The following PLEKHJ1 variants were observed in gnomAD, a reference collection of about 807,000 sequenced individuals.
PLEKHJ1 encodes the protein pleckstrin homology domain containing J1, also known as pleckstrin homology domain-containing family J member 1.
In PLEKHJ1, 20 loss-of-function variants were observed where a neutral mutation model predicts 21.7. That is an observed-to-expected ratio of 0.92 (90% CI 0.65 to 1.34). The LOEUF is 1.34. PLEKHJ1 is among the 40% of genes most tolerant of loss of function. PLEKHJ1 has a pLI of 0.00. For missense variants in PLEKHJ1, 241 were observed against 202.0 expected (o/e 1.19, Z -1.17); for synonymous variants, 113 against 80.6 (o/e 1.40, Z -2.15).
chr19:2,230,371 C>A, downstream of PLEKHJ1: 1 of 408,538 alleles, frequency 2.4e-6, no homozygotes, highest in Non-Finnish European at 4.3e-6. Context: ...CTGCCCTGAG[C>A]TCTTCACCTT....
Position 2,234,244 on chromosome 19 carries a change from G to T in PLEKHJ1, c.230-4C>A. The T allele has an allele frequency of 6.2e-7, 1 of 1,609,920 alleles. No individual in the cohort carries two copies. Reference sequence around the variant, plus strand: ...CTCTCAGGGTCCTCAATGAAGCCTGGGGATGGAACACCTGTGGTCGGTCCT... The same window carrying T: ...CTCTCAGGGTCCTCAATGAAGCCTGTGGATGGAACACCTGTGGTCGGTCCT... On this transcript the variant is annotated splice_polypyrimidine_tract_variant and splice_region_variant and intron_variant, in intron 3 of 5. Transcript: ENST00000326631.
At chr19:2,234,266 T>C (rs1220476075) in intron 3 of PLEKHJ1, 26 bp from the exon 4 acceptor site, 1 of 1,571,414 alleles carries the variant, frequency 6.4e-7, no homozygotes, top group Non-Finnish European at 8.7e-7. Context: ...CTGTGGTCGG[T>C]CCTACCCACA....
At chr19:2,230,594 C>T (rs112397317), downstream of PLEKHJ1, 2,684 of 398,572 alleles carry the variant, frequency 6.7e-3, 54 homozygotes, top group African/African-American at 0.049. Flanking sequence ...GCAGGCCTGT[C>T]GTGGGTCCCT....
At position 2,233,890 on chromosome 19, in the gene PLEKHJ1, A is replaced by T. The variant is rs1347577556; in HGVS notation, c.400T>A (p.Phe134Ile). 1 of 1,612,616 alleles carries T rather than the reference A, an allele frequency of 6.2e-7. No individual in the cohort carries two copies. Among genetic ancestry groups the T allele is most frequent in the South Asian group, 1.1e-5 (1 of 91,074 alleles). Residue 134 changes from phenylalanine to isoleucine, a missense_variant, in exon 6 of 6, where the codon TTC becomes ATC. By Grantham distance (21) the Phe-to-Ile change is conservative. Coordinates refer to ENST00000326631, the MANE Select transcript of PLEKHJ1 (RefSeq NM_018049.3). Reference protein sequence around the residue: ...KVTGKDPLEQFGISEEARFQL... With the variant: ...KVTGKDPLEQIGISEEARFQL... Reference sequence around the variant, plus strand: ...AACCTGGCCTCCTCGGATATGCCGAACTGTTCCAGGGGGTCCTGTGGGGAG... The same window carrying T: ...AACCTGGCCTCCTCGGATATGCCGATCTGTTCCAGGGGGTCCTGTGGGGAG...
At position 2,233,167 on chromosome 19, in the gene PLEKHJ1, A is replaced by G. The variant is rs2024671464; in HGVS notation, c.*673T>C. 2 of 152,226 alleles carry G rather than the reference A, an allele frequency of 1.3e-5. No individual in the cohort carries two copies. The highest frequency in any genetic ancestry group is 2.9e-5 in the Non-Finnish European group (2 of 68,094). 9.4% of individuals were successfully genotyped at this position (152,226 alleles called of 1,614,324 possible). On this transcript the variant is annotated 3_prime_UTR_variant, in exon 6 of 6. Transcript: ENST00000326631. ...CCGCCATCCAGTGTGGAAAAGAGGT[A>G]CCTTTATTTGAACAGAACAAGCACC...
chr19:2,235,887 G>A (rs200073129), intron 2 of PLEKHJ1, 36 bp downstream of exon 2: 4 of 1,599,164 alleles, frequency 2.5e-6, no homozygotes, highest in East Asian at 4.5e-5. Flanking sequence ...GAGGGGCCCA[G>A]CCTGGGACCC....
downstream of PLEKHJ1, chr19:2,231,407 G>T (rs1015270414): frequency 1.5e-5 from 3 of 205,006 alleles, no homozygotes; most frequent in African/African-American, 6.9e-5. Context: ...CGGAGGAAAG[G>T]CTTCTGTGGT....
intron 3 of PLEKHJ1, chr19:2,235,010 CAAATA>C (rs1161110489): frequency 1.3e-5 from 2 of 152,026 alleles, no homozygotes; most frequent in African/African-American, 2.4e-5. Context: ...AAAAAATAAG[CAAATA>C]AAATAATAAA....
chr19:2,234,824 A>AC (rs1482461484), intron 3 of PLEKHJ1: 1 of 152,444 alleles, frequency 6.6e-6, no homozygotes, highest in Non-Finnish European at 1.5e-5. Flanking sequence ...ATATGGCGAA[A>AC]CCCCGTCTCT....
downstream of PLEKHJ1, chr19:2,233,043 C>T (rs975523355): frequency 1.3e-5 from 2 of 152,392 alleles, no homozygotes; most frequent in South Asian, 2.1e-4. Context: ...CTAGCTCTCC[C>T]CTCAGTGCAG....
Position 2,233,797 on chromosome 19 carries a change from G to A in PLEKHJ1, c.*43C>T. ...GGCCAAGCGATTCATGGCTGGGCAG[G>A]GCCAGTCCCGTCCCGCTGCACGCTG... On this transcript the variant is annotated 3_prime_UTR_variant, in exon 6 of 6. Transcript: ENST00000326631. 1 of 1,542,308 alleles carries A rather than the reference G, an allele frequency of 6.5e-7. No individual in the cohort carries two copies. The highest frequency in any genetic ancestry group is 8.8e-7 in the Non-Finnish European group (1 of 1,140,956).
Position 2,233,650 on chromosome 19 carries a change from G to T in PLEKHJ1, c.*190C>A. 1.7e-6 allele frequency: 1 copy of T among 587,468 alleles called. No individual in the cohort carries two copies. The highest frequency in any genetic ancestry group is 3.0e-6 in the Non-Finnish European group (1 of 333,304). The allele number at this position is 587,468 out of a possible 1,614,324, so 36.4% of individuals were successfully genotyped here. ...GCTACTTGGGAAGCTGAGGCAGGAG[G>T]ATCACTTGAGTCCAGAAGGTCAAGG... On this transcript the variant is annotated 3_prime_UTR_variant, in exon 6 of 6. Transcript: ENST00000326631.
chr19:2,235,642 G>A (rs551681487), intron 3 of PLEKHJ1, 120 bp downstream of exon 3: 4 of 805,722 alleles, frequency 5.0e-6, no homozygotes, highest in Admixed American at 5.3e-5. Flanking sequence ...TTGTGTTTGA[G>A]GAGGGTGGCG....
chr19:2,230,083 T>G, downstream of PLEKHJ1: 1 of 596,816 alleles, frequency 1.7e-6, no homozygotes, highest in South Asian at 2.1e-5. Context: ...AATATAAATA[T>G]CTATATATGA....
chr19:2,231,716 T>C (rs897182119), downstream of PLEKHJ1: 14 of 213,052 alleles, frequency 6.6e-5, no homozygotes, highest in Admixed American at 5.9e-4. Flanking sequence ...CGCCACAGGG[T>C]TGATGGCAGA....
At chr19:2,231,850 T>G, downstream of PLEKHJ1, 1 of 220,012 alleles carries the variant, frequency 4.5e-6, no homozygotes, top group Non-Finnish European at 9.1e-6. Flanking sequence ...CATGCAGGGC[T>G]CCTGCCCACG....
chr19:2,230,159 G>A (rs983297880), downstream of PLEKHJ1: 4 of 498,860 alleles, frequency 8.0e-6, no homozygotes, highest in South Asian at 3.4e-5. Context: ...AGCCTGCCCC[G>A]GTGCTATCTC....
downstream of PLEKHJ1, chr19:2,231,305 C>T (rs1490542492): frequency 4.5e-6 from 1 of 219,826 alleles, no homozygotes; most frequent in East Asian, 6.6e-5. Context: ...CACAGATCCA[C>T]CCTCCAGGGA....
At chr19:2,230,437 C>G (rs2024549476), downstream of PLEKHJ1, 2 of 399,878 alleles carry the variant, frequency 5.0e-6, no homozygotes, top group African/African-American at 4.1e-5. Context: ...GGGTTGCGCC[C>G]TTGCATGTGA....
Sources: allele counts gnomAD v4.1 joint callset, GRCh38; gene constraint gnomAD v4.1.1; transcripts MANE v1.5; gene names NCBI Gene and HGNC (gene_info 2026-07-23, HGNC 2026-07-21).